The following TAF3 variants were observed in gnomAD, a reference collection of about 807,000 sequenced individuals.
TAF3 encodes transcription initiation factor TFIID subunit 3.
A neutral mutation model predicts 80.6 loss-of-function variants in TAF3; 7 were observed. The observed-to-expected ratio is 0.09, with a 90% CI of 0.05 to 0.16. TAF3 has a LOEUF of 0.16. Among genes scored for constraint, TAF3 ranks in the 10% least tolerant of loss-of-function variants. TAF3 has a pLI of 1.00. For synonymous variants in TAF3, 444 were observed against 446.1 expected (o/e 1.00, Z 0.06); for missense variants, 921 against 1,140.2 (o/e 0.81, Z 2.77).
chr10:7,991,073 A>T (rs1170432186), intron 4 of TAF3, among the ~76,000 whole-genome samples: 1 of 152,024 alleles, frequency 6.6e-6, no homozygotes, highest in African/African-American at 2.4e-5. Flanking sequence ...TTTTGTAATG[A>T]TCTTTCATGT....
At position 8,009,065 on chromosome 10, in the gene TAF3, C is replaced by T. The variant is rs1832025067; in HGVS notation, c.2316-13C>T. 1 of 1,595,898 alleles carries T rather than the reference C, an allele frequency of 6.3e-7. No individual in the cohort carries two copies. ...CCTGTTTTGACTTTTACCTTCTCTT[C>T]TTTTGTTGACAGTGTCATCAGCAAG... On this transcript the variant is annotated splice_polypyrimidine_tract_variant and intron_variant, in intron 4 of 6. Coordinates refer to ENST00000344293, the MANE Select transcript of TAF3 (RefSeq NM_031923.4). The surrounding 1 kb of genome is among the most constrained non-coding windows in gnomAD (Gnocchi z 4.1).
rs776152577 is a variant in TAF3, at chr10:7,965,038, G to A, written c.1528G>A (p.Glu510Lys). The A allele has an allele frequency of 3.1e-6, 5 of 1,614,060 alleles. No individual in the cohort carries two copies. The South Asian group carries it at 4.4e-5, about 14-fold the overall frequency. ...TCCCGAACCTCTCCACAAGGTGTATGAGGAGAAAACCAAGCTGCCTTCCTC... is the reference window on the plus strand; with the variant it reads ...TCCCGAACCTCTCCACAAGGTGTATAAGGAGAAAACCAAGCTGCCTTCCTC... ...PTPEPLHKVY[E>K]EKTKLPSSVE... The change falls in exon 3 of 7, where the codon GAG becomes AAG. Residue 510 changes from glutamate (E) to lysine (K), a missense_variant. Glu to Lys is a moderately conservative substitution (Grantham distance 56). Coordinates refer to ENST00000344293, the MANE Select transcript of TAF3 (RefSeq NM_031923.4).
intron 2 of TAF3, among the ~76,000 whole-genome samples, chr10:7,950,563 ATCTTT>A (rs972556657): frequency 2.6e-5 from 4 of 152,310 alleles, no homozygotes; most frequent in South Asian, 4.1e-4. Flanking sequence ...TTCAAGCAAA[ATCTTT>A]TCTTTTAAGT....
At chr10:7,855,739 A>G (rs1837072325) in intron 2 of TAF3, among the ~76,000 whole-genome samples, 2 of 152,230 alleles carry the variant, frequency 1.3e-5, no homozygotes, top group Admixed American at 1.3e-4. Flanking sequence ...AGCAAAACCA[A>G]CTAAAAAGCA....
chr10:7,863,961 C>A (rs1408859854), intron 2 of TAF3, among the ~76,000 whole-genome samples: 1 of 151,830 alleles, frequency 6.6e-6, no homozygotes, highest in Non-Finnish European at 1.5e-5. Flanking sequence ...AGATTCATAG[C>A]AAAATTGAGC....
chr10:7,864,948 G>C (rs1379582424), intron 2 of TAF3, among the ~76,000 whole-genome samples: 1 of 152,040 alleles, frequency 6.6e-6, no homozygotes, highest in Non-Finnish European at 1.5e-5. Context: ...GTTTTGGGTG[G>C]CTGGGGTGGG....
At chr10:7,983,146 A>C (rs535609860) in intron 4 of TAF3, among the ~76,000 whole-genome samples, 1 of 152,222 alleles carries the variant, frequency 6.6e-6, no homozygotes, top group South Asian at 2.1e-4. Flanking sequence ...GGTCCTGGCC[A>C]CTCAGGCTGT....
At chr10:7,970,209 A>T (rs1831608870) in intron 3 of TAF3, among the ~76,000 whole-genome samples, 1 of 152,186 alleles carries the variant, frequency 6.6e-6, no homozygotes, top group Non-Finnish European at 1.5e-5. Flanking sequence ...AGGATTCTCA[A>T]CATTTTTTAT....
Position 7,927,555 on chromosome 10 carries a change from G to T in TAF3, c.410-36365G>T, listed in dbSNP as rs1425084424. ...TTCTCCATACTTGGTTGTAGATAACGTGGAATCAGAATATTTTATGAGTTG... is the reference window on the plus strand; with the variant it reads ...TTCTCCATACTTGGTTGTAGATAACTTGGAATCAGAATATTTTATGAGTTG... On this transcript the variant is annotated intron_variant, in intron 2 of 6. Transcript: ENST00000344293. Among the ~76,000 whole-genome samples the T allele has an allele frequency of 2.0e-5, 3 of 152,200 alleles. No homozygotes were observed. The East Asian group carries it at 5.8e-4, about 29-fold the overall frequency.
chr10:7,874,835 T>C (rs868123098), intron 2 of TAF3, among the ~76,000 whole-genome samples: 2 of 152,142 alleles, frequency 1.3e-5, no homozygotes, highest in African/African-American at 2.4e-5. Context: ...GTATGTATCA[T>C]GTAACTGTTC....
intron 2 of TAF3, among the ~76,000 whole-genome samples, chr10:7,920,405 C>T (rs1588552605): frequency 6.7e-6 from 1 of 148,960 alleles, no homozygotes; most frequent in Non-Finnish European, 1.5e-5. Flanking sequence ...GCTATGGGTG[C>T]GTTGTGTGAT....
chr10:7,933,102 A>C (rs1456120283), intron 2 of TAF3, among the ~76,000 whole-genome samples: 2 of 152,166 alleles, frequency 1.3e-5, no homozygotes, highest in Non-Finnish European at 2.9e-5. Context: ...AGCAAACAAA[A>C]AAAAAAATAC....
chr10:7,910,632 C>T (rs897360202), intron 2 of TAF3, among the ~76,000 whole-genome samples: 8 of 152,158 alleles, frequency 5.3e-5, no homozygotes, highest in Non-Finnish European at 8.8e-5. Flanking sequence ...CCACCCACCT[C>T]GGCCTCCCAA....
At chr10:7,913,505 T>A (rs1837677059) in intron 2 of TAF3, among the ~76,000 whole-genome samples, 2 of 152,236 alleles carry the variant, frequency 1.3e-5, no homozygotes, top group South Asian at 4.1e-4. Context: ...ACCCATTTAT[T>A]ATGCCACAGT....
rs780661861 is a variant in TAF3 at position 7,964,564 on chromosome 10, A to G, written c.1054A>G (p.Ile352Val). 1 of 1,613,976 alleles carries G rather than the reference A, an allele frequency of 6.2e-7. No homozygotes were observed. The highest frequency in any genetic ancestry group is 1.7e-5 in the Admixed American group (1 of 60,000). ...RTPSATLSEK[I>V]SKETIQVKQI... ...TCCTTCAGCTACACTCAGTGAAAAA[A>G]TCAGTAAAGAGACTATCCAGGTAAA... Residue 352 changes from isoleucine to valine, a missense_variant, in exon 3 of 7, where the codon ATC (isoleucine) becomes GTC (valine). Around this residue, in one of 6 missense-constraint regions of TAF3, gnomAD observed 743 missense variants for 821.0 expected, o/e 0.90. Transcript: ENST00000344293. The surrounding 1 kb of genome is among the most constrained non-coding windows in gnomAD (Gnocchi z 4.1).
intron 3 of TAF3, among the ~76,000 whole-genome samples, chr10:7,968,537 G>A (rs975778241): frequency 1.3e-5 from 2 of 152,136 alleles, no homozygotes; most frequent in African/African-American, 4.8e-5. Context: ...TAGAAATAAT[G>A]ATAAGAACAC....
intron 2 of TAF3, among the ~76,000 whole-genome samples, chr10:7,917,997 G>GGAA (rs1317944779): frequency 2.0e-5 from 3 of 152,198 alleles, no homozygotes; most frequent in African/African-American, 7.2e-5. Context: ...AGCAAACACA[G>GGAA]GAAGGTAGCT....
chr10:7,873,615 T>TTTCC (rs1837286609), intron 2 of TAF3, among the ~76,000 whole-genome samples: 1 of 54,474 alleles, frequency 1.8e-5, no homozygotes, highest in African/African-American at 8.4e-5. Context: ...ACATCCGAGT[T>TTTCC]CTCCCCCCCC....
intron 2 of TAF3, among the ~76,000 whole-genome samples, chr10:7,843,395 C>T (rs1564345621): frequency 6.6e-6 from 1 of 152,112 alleles, no homozygotes; most frequent in Admixed American, 6.5e-5. Context: ...AGGCATGAGC[C>T]ACCGTTCCCA....
Sources: gnomAD v4.1 joint callset for allele counts (sites outside exome capture counted in the v4.1 genomes callset) on GRCh38, gnomAD v4.1.1 for gene constraint, gnomAD v4.1.1 regional missense constraint, Gnocchi (gnomAD v3.1) non-coding constraint, MANE v1.5 for transcripts, NCBI Gene and HGNC (gene_info 2026-07-23, HGNC 2026-07-21) for gene names.